The following C1orf21 variants were observed in gnomAD, a reference collection of about 807,000 sequenced individuals.
The protein encoded by C1orf21 is uncharacterized protein C1orf21.
Under a neutral mutation model 18.7 loss-of-function variants are expected in C1orf21, and 3 were observed. The ratio of observed to expected loss-of-function variants is 0.16; its 90% CI spans 0.07 to 0.42. The LOEUF (loss-of-function observed/expected upper bound fraction) is 0.42, where lower values mean the gene tolerates loss of function less well. C1orf21 is among the 10% of genes least tolerant of loss of function. The pLI is 0.99. For synonymous variants in C1orf21, 41 were observed against 46.4 expected (o/e 0.88, Z 0.47); for missense variants, 104 against 143.6 (o/e 0.72, Z 1.41).
chr1:184,477,669 C>G lies in C1orf21; in HGVS notation c.94+66C>G, dbSNP rs939363110. On this transcript the variant is annotated intron_variant, in intron 2 of 5. Coordinates refer to ENST00000235307, the MANE Select transcript of C1orf21 (RefSeq NM_030806.4). ...GGCCTTTCACTTTTTTTTATTGATACATAATATTTGTACATATTTATGGGG... is the reference window on the plus strand; with the variant it reads ...GGCCTTTCACTTTTTTTTATTGATAGATAATATTTGTACATATTTATGGGG... The G allele has an allele frequency of 1.2e-5, 16 of 1,280,788 alleles. No homozygotes were observed. In the Admixed American group the frequency reaches 3.3e-4, roughly 27 times the overall value. 79.3% of individuals were successfully genotyped at this position (1,280,788 alleles called of 1,614,324 possible).
intron 1 of C1orf21, among the ~76,000 whole-genome samples, chr1:184,441,409 A>C (rs1003829978): frequency 4.6e-5 from 7 of 152,212 alleles, no homozygotes; most frequent in African/African-American, 1.7e-4. Flanking sequence ...TCTGCCCCCA[A>C]ATCTTGATTC....
intron 5 of C1orf21, among the ~76,000 whole-genome samples, chr1:184,613,041 C>T (rs1488215286): frequency 6.6e-6 from 1 of 152,148 alleles, no homozygotes; most frequent in Non-Finnish European, 1.5e-5. Flanking sequence ...ACCTCCACCT[C>T]CTGAGTTCAA....
chr1:184,566,611 TA>T, intron 3 of C1orf21: 1 of 378,598 alleles, frequency 2.6e-6, no homozygotes. Context: ...TGGTGTGCCA[TA>T]AAACCACCAG....
chr1:184,603,735 CA>C (rs1225338827), intron 5 of C1orf21, among the ~76,000 whole-genome samples: 1 of 152,176 alleles, frequency 6.6e-6, no homozygotes, highest in African/African-American at 2.4e-5. Context: ...GTGGAGGTTA[CA>C]GTTGAGCAGA....
intron 2 of C1orf21, among the ~76,000 whole-genome samples, chr1:184,487,465 A>G (rs1331724217): frequency 6.6e-6 from 1 of 152,252 alleles, no homozygotes. Flanking sequence ...AAACTACCCC[A>G]GTTCACTTAA....
chr1:184,591,450 T>A (rs1659434361), intron 4 of C1orf21, among the ~76,000 whole-genome samples: 1 of 152,182 alleles, frequency 6.6e-6, no homozygotes. Context: ...TAATCATTAA[T>A]TAATATGACT....
intron 1 of C1orf21, among the ~76,000 whole-genome samples, chr1:184,424,184 G>A (rs10797966): frequency 0.3 from 46,052 of 151,748 alleles, 9,242 homozygotes; most frequent in African/African-American, 0.58. Flanking sequence ...TTTACAAACC[G>A]TATCATGGAG....
intron 3 of C1orf21, among the ~76,000 whole-genome samples, chr1:184,548,599 A>C (rs1247149944): frequency 1.3e-5 from 2 of 152,062 alleles, no homozygotes; most frequent in East Asian, 3.9e-4. Context: ...AGTTCCCAAG[A>C]GGTCTGTAGA....
chr1:184,499,012 T>C (rs1657932994), intron 2 of C1orf21, among the ~76,000 whole-genome samples: 1 of 152,186 alleles, frequency 6.6e-6, no homozygotes, highest in Admixed American at 6.5e-5. Flanking sequence ...CAGCATTAAA[T>C]GGGTTATATG....
chr1:184,433,000 C>T (rs2101971624), intron 1 of C1orf21, among the ~76,000 whole-genome samples: 1 of 152,204 alleles, frequency 6.6e-6, no homozygotes, highest in East Asian at 1.9e-4. Flanking sequence ...CAAGTCAGAC[C>T]CAAGAGGTAC....
intron 3 of C1orf21, among the ~76,000 whole-genome samples, chr1:184,516,030 C>G (rs532375651): frequency 6.6e-6 from 1 of 152,286 alleles, no homozygotes; most frequent in African/African-American, 2.4e-5. Flanking sequence ...CCAGGCTGGT[C>G]TTGAACTCCT....
At chr1:184,424,905 T>C (rs1056602401) in intron 1 of C1orf21, among the ~76,000 whole-genome samples, 1 of 152,202 alleles carries the variant, frequency 6.6e-6, no homozygotes, top group Non-Finnish European at 1.5e-5. Context: ...TGCGAGCACA[T>C]GTTGAGTTTC....
Position 184,454,357 on chromosome 1 carries a change from A to C in C1orf21, c.-124-23029A>C, listed in dbSNP as rs968588847. Among the ~76,000 whole-genome samples the C allele has an allele frequency of 6.8e-4, 103 of 152,294 alleles. 1 individual carries two copies. The highest frequency in any genetic ancestry group is 2.5e-3 in the African/African-American group (102 of 41,558). ...AAATGACTGAGGTGAGTCTTAATGA[A>C]TTTAGAGGTTTATTTTGCCAAAGTT... On this transcript the variant is annotated intron_variant, in intron 1 of 5. Transcript: ENST00000235307.
chr1:184,595,209 A>G (rs1376790890), intron 4 of C1orf21, among the ~76,000 whole-genome samples: 1 of 152,212 alleles, frequency 6.6e-6, no homozygotes, highest in Non-Finnish European at 1.5e-5. Flanking sequence ...AGGCTTTTGT[A>G]AGTGAATGCT....
intron 1 of C1orf21, among the ~76,000 whole-genome samples, chr1:184,469,224 TG>T (rs1346697828): frequency 1.3e-5 from 2 of 152,208 alleles, no homozygotes; most frequent in Non-Finnish European, 2.9e-5. Flanking sequence ...CACTCCAGTC[TG>T]GGTGACAGAG....
intron 1 of C1orf21, among the ~76,000 whole-genome samples, chr1:184,461,600 A>G (rs1478352572): frequency 1.3e-5 from 2 of 152,144 alleles, no homozygotes; most frequent in African/African-American, 2.4e-5. Context: ...TGTTGATGTC[A>G]TTGTATATCT....
intron 1 of C1orf21, among the ~76,000 whole-genome samples, chr1:184,416,958 C>G (rs1387174500): frequency 5.3e-5 from 8 of 151,958 alleles, no homozygotes; most frequent in Admixed American, 5.2e-4. Context: ...GAAAAGTTGC[C>G]AATGAAGGGT....
At chr1:184,452,306 A>C (rs1487649356) in intron 1 of C1orf21, among the ~76,000 whole-genome samples, 1 of 152,240 alleles carries the variant, frequency 6.6e-6, no homozygotes, top group Non-Finnish European at 1.5e-5. Flanking sequence ...TAGAGTCCCC[A>C]CAGGCTGAGT....
intron 3 of C1orf21, among the ~76,000 whole-genome samples, chr1:184,547,483 T>C (rs1658743219): frequency 6.6e-6 from 1 of 150,710 alleles, no homozygotes. Context: ...GGCAAGTCTT[T>C]GGATTTGCTG....
Sources: allele counts gnomAD v4.1 joint callset (sites outside exome capture counted in the v4.1 genomes callset), GRCh38; gene constraint gnomAD v4.1.1; transcripts MANE v1.5; gene names NCBI Gene and HGNC (gene_info 2026-07-23, HGNC 2026-07-21).